Variants in CPXM2 observed in about 807,000 individuals in gnomAD.
CPXM2 encodes the protein carboxypeptidase X, M14 family member 2.
In CPXM2, 66 loss-of-function variants were observed where a neutral mutation model predicts 86.1. The ratio of observed to expected loss-of-function variants is 0.77; its 90% CI spans 0.63 to 0.94. CPXM2 has a LOEUF of 0.94. Ranked by LOEUF, CPXM2 falls within the 40% of genes least tolerant of loss-of-function variation. The pLI is 0.00. For missense variants in CPXM2, 948 were observed against 1,026.3 expected (o/e 0.92, Z 1.04); for synonymous variants, 388 against 400.2 (o/e 0.97, Z 0.36).
chr10:123,916,296 G>A (rs919910130), intron 2 of CPXM2, among the ~76,000 whole-genome samples: 11 of 152,172 alleles, frequency 7.2e-5, no homozygotes, highest in African/African-American at 2.4e-4. Context: ...CCATGGAGTA[G>A]GGGCCAGGAG....
At chr10:123,863,261 G>A (rs1848895659) in intron 2 of CPXM2, among the ~76,000 whole-genome samples, 1 of 152,210 alleles carries the variant, frequency 6.6e-6, no homozygotes, top group African/African-American at 2.4e-5. Context: ...AATGCTTAAA[G>A]CAGCATCCAG....
intron 2 of CPXM2, among the ~76,000 whole-genome samples, chr10:123,904,261 C>T (rs965526998): frequency 1.3e-5 from 2 of 152,146 alleles, no homozygotes; most frequent in South Asian, 2.1e-4. Flanking sequence ...TCTTTCCCTT[C>T]GGGGCAGACA....
At chr10:123,813,875 C>T (rs1847748027) in intron 4 of CPXM2, among the ~76,000 whole-genome samples, 1 of 152,108 alleles carries the variant, frequency 6.6e-6, no homozygotes, top group Admixed American at 6.6e-5. Flanking sequence ...CCACTTAGAC[C>T]CTTGTACCTG....
At chr10:123,876,294 CCATT>C (rs1944986759) in intron 2 of CPXM2, among the ~76,000 whole-genome samples, 2 of 152,300 alleles carry the variant, frequency 1.3e-5, no homozygotes, top group East Asian at 3.9e-4. Context: ...AACAGGTTCA[CCATT>C]GTCAAGTGCT....
At chr10:123,921,203 C>T (rs1203382177) in intron 2 of CPXM2, among the ~76,000 whole-genome samples, 1 of 152,054 alleles carries the variant, frequency 6.6e-6, no homozygotes, top group Non-Finnish European at 1.5e-5. Flanking sequence ...AGAGTGCCCA[C>T]CAGATGAAGA....
chr10:123,748,833 C>T (rs532348672), intron 13 of CPXM2, among the ~76,000 whole-genome samples: 3 of 152,152 alleles, frequency 2.0e-5, no homozygotes, highest in East Asian at 1.9e-4. Context: ...CAAGCCCGAG[C>T]GAGCCACCTC....
intron 6 of CPXM2, among the ~76,000 whole-genome samples, chr10:123,782,872 G>T (rs1018505407): frequency 6.6e-6 from 1 of 152,232 alleles, no homozygotes; most frequent in East Asian, 1.9e-4. Flanking sequence ...ACAAGGTACA[G>T]GTCATAAAGA....
chr10:123,758,332 G>C (rs533305509), intron 11 of CPXM2, among the ~76,000 whole-genome samples: 96 of 151,846 alleles, frequency 6.3e-4, no homozygotes, highest in Middle Eastern at 3.4e-3. Flanking sequence ...CCTCCTCTAG[G>C]GGAGGAGCCT....
At chr10:123,843,499 T>C (rs11814713) in intron 3 of CPXM2, among the ~76,000 whole-genome samples, 5,584 of 143,956 alleles carry the variant, frequency 0.039, 373 homozygotes, top group African/African-American at 0.14. Context: ...AGTGGCGCCA[T>C]CTCAGCTCAC....
chr10:123,842,305 G>C (rs772831756), intron 4 of CPXM2, 44 bp downstream of exon 4: 1 of 1,610,454 alleles, frequency 6.2e-7, no homozygotes, highest in African/African-American at 1.3e-5. Flanking sequence ...TCAAAAGCTA[G>C]ACCCAAAACA....
At chr10:123,824,768 G>A (rs1172495233) in intron 4 of CPXM2, among the ~76,000 whole-genome samples, 1 of 152,208 alleles carries the variant, frequency 6.6e-6, no homozygotes. Flanking sequence ...GGATGTGGTA[G>A]GGAACACAGT....
intron 7 of CPXM2, among the ~76,000 whole-genome samples, chr10:123,772,597 G>C (rs1328021260): frequency 6.6e-6 from 1 of 151,448 alleles, no homozygotes; most frequent in Non-Finnish European, 1.5e-5. Flanking sequence ...CCTCCATTGT[G>C]GTCATCACTC....
chr10:123,768,240 T>C (rs12768875), intron 9 of CPXM2, among the ~76,000 whole-genome samples: 51,499 of 151,784 alleles, frequency 0.34, 9,782 homozygotes, highest in East Asian at 0.63. Flanking sequence ...TAGCTGGGCA[T>C]GGTGGCTGGC....
At chr10:123,771,738 G>A (rs981792332) in intron 7 of CPXM2, among the ~76,000 whole-genome samples, 4 of 152,172 alleles carry the variant, frequency 2.6e-5, no homozygotes, top group Non-Finnish European at 4.4e-5. Context: ...GAAAGGGACC[G>A]GGTGGGAGGT....
At chr10:123,834,105 C>T (rs1367196643) in intron 4 of CPXM2, among the ~76,000 whole-genome samples, 1 of 152,220 alleles carries the variant, frequency 6.6e-6, no homozygotes, top group Non-Finnish European at 1.5e-5. Context: ...GAATCCCAGT[C>T]TCACTCCAGA....
At chr10:123,902,203 T>C (rs1945388716) in intron 2 of CPXM2, among the ~76,000 whole-genome samples, 2 of 152,054 alleles carry the variant, frequency 1.3e-5, no homozygotes, top group Non-Finnish European at 2.9e-5. Flanking sequence ...GAACTTGGAG[T>C]GGGCCAGGCG....
At chr10:123,843,637 A>G (rs886078425) in intron 3 of CPXM2, among the ~76,000 whole-genome samples, 5 of 152,168 alleles carry the variant, frequency 3.3e-5, no homozygotes, top group African/African-American at 1.2e-4. Flanking sequence ...TGAGCATTTC[A>G]ACTCAAATTC....
chr10:123,903,575 C>A (rs541648985), intron 2 of CPXM2, among the ~76,000 whole-genome samples: 19 of 152,304 alleles, frequency 1.2e-4, no homozygotes, highest in African/African-American at 4.6e-4. Context: ...CCAGCCAGTC[C>A]TTAGGTCCCT....
At chr10:123,868,014 A>G (rs1944824693) in intron 2 of CPXM2, among the ~76,000 whole-genome samples, 1 of 152,244 alleles carries the variant, frequency 6.6e-6, no homozygotes, top group Non-Finnish European at 1.5e-5. Context: ...GGGGAATCTT[A>G]AACCTGCAGA....
Sources: allele counts gnomAD v4.1 joint callset (sites outside exome capture counted in the v4.1 genomes callset), GRCh38; gene constraint gnomAD v4.1.1; transcripts MANE v1.5; gene names NCBI Gene and HGNC (gene_info 2026-07-23, HGNC 2026-07-21).